The following KTN1 variants were observed in gnomAD, a reference collection of about 807,000 sequenced individuals.
KTN1 encodes kinectin 1, also known as kinectin.
A neutral mutation model predicts 222.5 loss-of-function variants in KTN1; 130 were observed. That is an observed-to-expected ratio of 0.58 (90% CI 0.51 to 0.68). The LOEUF is 0.68. KTN1 is among the 30% of genes least tolerant of loss of function. The pLI is 0.00. For missense variants in KTN1, 1,508 were observed against 1,500.4 expected (o/e 1.01, Z -0.08); for synonymous variants, 512 against 496.3 (o/e 1.03, Z -0.42).
chr14:55,652,576 T>C (rs2043036375), intron 25 of KTN1, among the ~76,000 whole-genome samples: 2 of 152,066 alleles, frequency 1.3e-5, no homozygotes, highest in Admixed American at 1.3e-4. Flanking sequence ...TTTTTTTGTA[T>C]TTTTAGTAGA....
chr14:55,642,692 A>C (rs747934810), intron 18 of KTN1, among the ~76,000 whole-genome samples: 5 of 152,176 alleles, frequency 3.3e-5, no homozygotes, highest in Non-Finnish European at 5.9e-5. Flanking sequence ...ATTTATGCAG[A>C]TATTGAGCTG....
At chr14:55,596,219 G>A (rs997756555) in intron 1 of KTN1, among the ~76,000 whole-genome samples, 3 of 149,614 alleles carry the variant, frequency 2.0e-5, no homozygotes, top group African/African-American at 7.4e-5. Context: ...GGCTTTTGAT[G>A]TGCCTATATT....
At chr14:55,613,634 T>G (rs958213814) in intron 2 of KTN1, among the ~76,000 whole-genome samples, 1 of 131,728 alleles carries the variant, frequency 7.6e-6, no homozygotes, top group Admixed American at 7.7e-5. Flanking sequence ...GCTGGAATTA[T>G]AGGCGTGTAT....
chr14:55,676,037 A>T (rs1239376317), intron 41 of KTN1, 119 bp downstream of exon 41: 1 of 628,348 alleles, frequency 1.6e-6, no homozygotes. Context: ...TTAACCTTTT[A>T]TAAATTTAAG....
chr14:55,666,522 A>G (rs1438010196), intron 33 of KTN1, among the ~76,000 whole-genome samples: 2 of 151,670 alleles, frequency 1.3e-5, no homozygotes, highest in African/African-American at 4.8e-5. Flanking sequence ...TTTTGAGTTT[A>G]TAATTGATAT....
At chr14:55,619,458 A>G (rs2038836355) in intron 5 of KTN1, 146 bp downstream of exon 5, 1 of 729,126 alleles carries the variant, frequency 1.4e-6, no homozygotes, top group Non-Finnish European at 2.3e-6. Context: ...ATTACTTTAT[A>G]TATCGTATTA....
intron 29 of KTN1, among the ~76,000 whole-genome samples, chr14:55,658,033 T>TA (rs1244699039): frequency 2.6e-5 from 4 of 152,172 alleles, no homozygotes; most frequent in Non-Finnish European, 5.9e-5. Context: ...TTGTAACCAT[T>TA]AAAAAGAGAA....
chr14:55,684,068 A>G (rs2141460387), intron 43 of KTN1, 31 bp from the exon 44 acceptor site: 1 of 1,587,896 alleles, frequency 6.3e-7, no homozygotes, highest in Middle Eastern at 1.7e-4. Flanking sequence ...TTTGTTTTAA[A>G]GTGAAATTCA....
chr14:55,642,061 G>T (rs1379440845), intron 18 of KTN1, among the ~76,000 whole-genome samples: 1 of 152,132 alleles, frequency 6.6e-6, no homozygotes, highest in Non-Finnish European at 1.5e-5. Flanking sequence ...CCTTAGACTT[G>T]GAGCCTCAGC....
intron 29 of KTN1, among the ~76,000 whole-genome samples, chr14:55,657,959 TTTTG>T (rs1029841781): frequency 1.3e-4 from 20 of 152,022 alleles, no homozygotes; most frequent in African/African-American, 2.2e-4. Flanking sequence ...TTATAATTCT[TTTTG>T]TTTGTTTGTT....
At chr14:55,646,292 A>G (rs1319176521) in intron 18 of KTN1, among the ~76,000 whole-genome samples, 1 of 152,222 alleles carries the variant, frequency 6.6e-6, no homozygotes, top group African/African-American at 2.4e-5. Context: ...TCTATCTACC[A>G]AAATTCACTG....
intron 5 of KTN1, among the ~76,000 whole-genome samples, chr14:55,626,424 T>A (rs1405292742): frequency 4.6e-5 from 7 of 152,152 alleles, no homozygotes; most frequent in African/African-American, 7.2e-5. Context: ...GTGTTATCTT[T>A]TCTCTGAGCT....
At chr14:55,600,917 C>T (rs1594773092) in intron 1 of KTN1, among the ~76,000 whole-genome samples, 2 of 151,460 alleles carry the variant, frequency 1.3e-5, no homozygotes, top group East Asian at 3.9e-4. Context: ...AGATTATTTC[C>T]CATGGAAGTG....
intron 1 of KTN1, among the ~76,000 whole-genome samples, chr14:55,589,199 A>G (rs967654738): frequency 1.3e-5 from 2 of 152,240 alleles, no homozygotes; most frequent in Admixed American, 1.3e-4. Context: ...ATTACCTGGC[A>G]TAAATTGGTA....
At chr14:55,650,491 G>A in intron 23 of KTN1, 73 bp downstream of exon 23, 2 of 1,503,856 alleles carry the variant, frequency 1.3e-6, no homozygotes. Context: ...AATTTCGTGT[G>A]TTTTTGTCTG....
intron 1 of KTN1, among the ~76,000 whole-genome samples, chr14:55,600,123 G>T (rs2035747689): frequency 6.8e-6 from 1 of 147,406 alleles, no homozygotes; most frequent in East Asian, 2.0e-4. Context: ...GTCTCTTCTG[G>T]GGATAAGCAA....
At chr14:55,581,600 T>A (rs2140274947) in intron 1 of KTN1, among the ~76,000 whole-genome samples, 1 of 152,346 alleles carries the variant, frequency 6.6e-6, no homozygotes, top group South Asian at 2.1e-4. Flanking sequence ...CAGCTAAAGA[T>A]AAGCATCTTC....
At chr14:55,656,244 C>T (rs1595149196) in intron 29 of KTN1, 112 bp downstream of exon 29, 3 of 674,532 alleles carry the variant, frequency 4.4e-6, no homozygotes, top group East Asian at 2.8e-5. Flanking sequence ...CTCCCTCCCA[C>T]CCAGATACTA....
chr14:55,583,235 A>G (rs1250194233), intron 1 of KTN1, among the ~76,000 whole-genome samples: 6 of 152,204 alleles, frequency 3.9e-5, no homozygotes, highest in Non-Finnish European at 8.8e-5. Context: ...TTGTGCTTAA[A>G]TGTGTTTTTG....
Sources: allele counts gnomAD v4.1 joint callset (sites outside exome capture counted in the v4.1 genomes callset), GRCh38; gene constraint gnomAD v4.1.1; transcripts MANE v1.5; gene names NCBI Gene and HGNC (gene_info 2026-07-23, HGNC 2026-07-21).